The following CEBPZ variants were observed in gnomAD, a reference collection of about 807,000 sequenced individuals.
CEBPZ encodes CCAAT/enhancer-binding protein zeta.
In CEBPZ, 78 loss-of-function variants were observed where a neutral mutation model predicts 104.5. That is an observed-to-expected ratio of 0.75 (90% CI 0.62 to 0.90). The LOEUF is 0.90. CEBPZ is among the 40% of genes least tolerant of loss of function. The probability of loss-of-function intolerance (pLI) is 0.00; values close to 1 mark genes in which losing one functional copy is unlikely to be tolerated. For synonymous variants in CEBPZ, 470 were observed against 427.0 expected, an observed-to-expected ratio of 1.10 and a Z score of -1.24; for missense variants, 1,439 against 1,233.5, an observed-to-expected ratio of 1.17 and a Z score of -2.50.
chr2:37,223,045 A>G, intron 3 of CEBPZ, 125 bp downstream of exon 3: 1 of 754,126 alleles, frequency 1.3e-6, no homozygotes, highest in Non-Finnish European at 2.2e-6. Flanking sequence ...GGTTTGTCCT[A>G]TTCCAGAACT....
At chr2:37,213,783 G>C in intron 10 of CEBPZ, 81 bp downstream of exon 10, 1 of 888,378 alleles carries the variant, frequency 1.1e-6, no homozygotes, top group Non-Finnish European at 1.7e-6. Context: ...TAAAACTAAG[G>C]CCACTTCTCC....
intron 15 of CEBPZ, 143 bp downstream of exon 15, chr2:37,202,641 T>C (rs1677313850): frequency 5.8e-6 from 2 of 346,294 alleles, no homozygotes; most frequent in Admixed American, 8.1e-5. Context: ...TGAGACGCTG[T>C]CTCAAAAAAA....
At chr2:37,205,844 A>T (rs1326504837) in intron 13 of CEBPZ, among the ~76,000 whole-genome samples, 2 of 152,218 alleles carry the variant, frequency 1.3e-5, no homozygotes, top group East Asian at 3.8e-4. Context: ...GAATCTTGTA[A>T]GATAATACTT....
chr2:37,221,829 T>C (rs1664777466), intron 4 of CEBPZ, among the ~76,000 whole-genome samples: 1 of 152,236 alleles, frequency 6.6e-6, no homozygotes, highest in African/African-American at 2.4e-5. Context: ...TCAAGGCTGG[T>C]GTTTTCTTCA....
chr2:37,216,151 C>T lies in CEBPZ; in HGVS notation c.2369G>A (p.Arg790His), dbSNP rs140521893. 7.2e-4 allele frequency: 1,167 copies of T among 1,610,764 alleles called. No homozygotes were observed. The highest frequency in any genetic ancestry group is 9.6e-4 in the Non-Finnish European group (1,133 of 1,178,194). ...AGGTTTATACTTACCAGGAAGATGA[C>T]GAATATCCTTAATAAAATGTTTTCT... ...PKRKHFIKDI[R>H]HLPVNSKEFL... The change falls in exon 8 of 16, where the codon CGT (arginine) becomes CAT (histidine). Residue 790 changes from arginine (R) to histidine (H), a missense_variant. Transcript: ENST00000234170.
chr2:37,226,663 G>T (rs554597885), intron 2 of CEBPZ, among the ~76,000 whole-genome samples: 1 of 152,164 alleles, frequency 6.6e-6, no homozygotes, highest in East Asian at 1.9e-4. Context: ...CTAATGGCAG[G>T]GACTCAAACC....
intron 13 of CEBPZ, 179 bp from the exon 14 acceptor site, chr2:37,203,187 C>A: frequency 2.3e-6 from 1 of 441,874 alleles, no homozygotes. Context: ...ATAATATTTT[C>A]AAAAAGCTAA....
At chr2:37,212,234 A>G (rs1677743543) in intron 11 of CEBPZ, 101 bp downstream of exon 11, 2 of 1,129,076 alleles carry the variant, frequency 1.8e-6, no homozygotes, top group Non-Finnish European at 2.6e-6. Context: ...TTACTTGACT[A>G]CATTTCCCCT....
rs201134173 is a variant in CEBPZ at position 37,231,424 on chromosome 2, G to C, written c.144C>G (p.Leu48=). The C allele has an allele frequency of 1.2e-5, 20 of 1,613,954 alleles. No homozygotes were observed. Among genetic ancestry groups the C allele is most frequent in the Admixed American group, 1.0e-4 (6 of 60,008 alleles). ...CCGCGGCCGTTACCTTGGTGCCTCC[G>C]AGCCGTAACACTTCCTCCAGGGAGA... is the stretch of plus-strand genomic sequence containing the variant. ...NGFSLEEVLR[L]GGTKQDYLML... The change falls in exon 1 of 16, where the codon CTC becomes CTG. Residue 48 remains leucine, a synonymous_variant. Transcript: ENST00000234170.
At chr2:37,211,671 A>ATTT (rs1230988546) in intron 12 of CEBPZ, 172 bp downstream of exon 12, 3 of 552,428 alleles carry the variant, frequency 5.4e-6, no homozygotes, top group Non-Finnish European at 9.3e-6. Context: ...ATAACACACA[A>ATTT]TAAAAACCCT....
chr2:37,231,212 A>C, intron 1 of CEBPZ, 200 bp downstream of exon 1: 1 of 739,496 alleles, frequency 1.4e-6, no homozygotes, highest in South Asian at 1.5e-5. Context: ...CAGAGAATAC[A>C]ACGTTCAATT....
chr2:37,206,297 G>A (rs1259289995), intron 13 of CEBPZ, among the ~76,000 whole-genome samples: 1 of 152,232 alleles, frequency 6.6e-6, no homozygotes, highest in African/African-American at 2.4e-5. Context: ...TATCTATGCT[G>A]AGAATTCACC....
chr2:37,223,303 A>G lies in CEBPZ; in HGVS notation c.1748T>C (p.Val583Ala). 6.2e-7 allele frequency: 1 copy of G among 1,614,144 alleles called. No homozygotes were observed. The highest frequency in any genetic ancestry group is 8.5e-7 in the Non-Finnish European group (1 of 1,180,018). The stretch of plus-strand genomic sequence containing the variant: ...AAGTAACCTCTTCACAAAAGCCTTC[A>G]CCCGGCGCAACACAATGTCAGCTTT... ...SLKADIVLRR[V>A]KAFVKRLLQV... The change falls in exon 3 of 16, where the codon GTG (valine) becomes GCG (alanine). Residue 583 changes from valine (V) to alanine (A), a missense_variant. By Grantham distance (64) the Val-to-Ala change is moderately conservative. Coordinates refer to ENST00000234170, the MANE Select transcript of CEBPZ (RefSeq NM_005760.3).
chr2:37,228,639 T>C lies in CEBPZ; in HGVS notation c.554A>G (p.Asp185Gly), dbSNP rs1387263443. ...AGAATATTCATTGCTGTACTCCAGA[T>C]CATACCATTTGCCTCCAGGCCTAAG... The part of the protein sequence containing the change: ...LLLRPGGKWY[D>G]LEYSNEYSLK... Residue 185 changes from aspartate (D) to glycine (G), a missense_variant, in exon 2 of 16, where the codon GAT becomes GGT. By Grantham distance (94) the Asp-to-Gly change is moderately conservative (BLOSUM62 -1). Transcript: ENST00000234170. 3 of 1,614,054 alleles carry C rather than the reference T, an allele frequency of 1.9e-6. No homozygotes were observed. The highest frequency in any genetic ancestry group is 2.2e-5 in the East Asian group (1 of 44,896).
chr2:37,227,664 G>A lies in CEBPZ; in HGVS notation c.1529C>T (p.Thr510Ile), dbSNP rs1212843146. 1.9e-6 allele frequency: 3 copies of A among 1,614,172 alleles called. No homozygotes were observed. The highest frequency in any genetic ancestry group is 2.5e-6 in the Non-Finnish European group (3 of 1,180,028). The change falls in exon 2 of 16, where the codon ACA (threonine) becomes ATA (isoleucine). Residue 510 changes from threonine to isoleucine, a missense_variant. Physicochemically the swap from Thr to Ile is moderately conservative, Grantham distance 89. Coordinates refer to ENST00000234170, the MANE Select transcript of CEBPZ (RefSeq NM_005760.3). ...GDDKVREQID[T>I]LFKVLHIVNF... ...CACAATATGCAACACTTTAAACAGTGTGTCAATCTGCTCCCTTACTTTGTC... is the reference window on the plus strand; with the variant it reads ...CACAATATGCAACACTTTAAACAGTATGTCAATCTGCTCCCTTACTTTGTC...
At chr2:37,211,128 G>C (rs1344228791) in intron 12 of CEBPZ, 46 bp from the exon 13 acceptor site, 2 of 1,283,036 alleles carry the variant, frequency 1.6e-6, no homozygotes, top group African/African-American at 1.5e-5. Flanking sequence ...AAAACAATAA[G>C]ACTGGAAAAT....
At chr2:37,203,539 T>C (rs1032154393) in intron 13 of CEBPZ, 2 of 152,272 alleles carry the variant, frequency 1.3e-5, no homozygotes, top group Non-Finnish European at 2.9e-5. Flanking sequence ...ATCTTTGATA[T>C]CAATGTCTCT....
chr2:37,216,069 G>A, intron 8 of CEBPZ, 71 bp downstream of exon 8: 3 of 1,138,588 alleles, frequency 2.6e-6, no homozygotes, highest in African/African-American at 1.6e-5. Context: ...TTAGAACAAA[G>A]AATAATACAA....
At chr2:37,221,230 C>T (rs147087980) in intron 4 of CEBPZ, among the ~76,000 whole-genome samples, 2,108 of 152,196 alleles carry the variant, frequency 0.014, 41 homozygotes, top group African/African-American at 0.048. Flanking sequence ...GTGGGAGGAT[C>T]GCTTGAGTTC....
Sources: allele counts gnomAD v4.1 joint callset (sites outside exome capture counted in the v4.1 genomes callset), GRCh38; gene constraint gnomAD v4.1.1; transcripts MANE v1.5; gene names NCBI Gene and HGNC (gene_info 2026-07-23, HGNC 2026-07-21).